The following COL5A1 variants were observed in gnomAD, a reference collection of about 807,000 sequenced individuals.
COL5A1 encodes collagen alpha-1(V) chain.
Under a neutral mutation model 263.7 loss-of-function variants are expected in COL5A1, and 16 were observed. The ratio of observed to expected loss-of-function variants is 0.06; its 90% confidence interval spans 0.04 to 0.09. The LOEUF is 0.09. Ranked by LOEUF, COL5A1 falls within the 10% of genes least tolerant of loss-of-function variation. The pLI is 1.00. For missense variants in COL5A1, 2,036 were observed against 2,540.5 expected (o/e 0.80, Z 4.27); for synonymous variants, 1,012 against 1,004.5 (o/e 1.01, Z -0.14).
intron 11 of COL5A1, among the ~76,000 whole-genome samples, chr9:134,740,066 G>A (rs1368092530): frequency 2.6e-5 from 4 of 152,216 alleles, no homozygotes; most frequent in African/African-American, 9.7e-5. Context: ...CAGAAGAGGC[G>A]GGTCTTGCTC....
At chr9:134,787,993 G>A (rs1837523071) in intron 31 of COL5A1, among the ~76,000 whole-genome samples, 1 of 152,218 alleles carries the variant, frequency 6.6e-6, no homozygotes, top group South Asian at 2.1e-4. Flanking sequence ...GTGGCTGGGT[G>A]AGTGGAGGGG....
At chr9:134,743,472 G>T (rs934375045) in intron 11 of COL5A1, among the ~76,000 whole-genome samples, 2 of 152,150 alleles carry the variant, frequency 1.3e-5, no homozygotes, top group Non-Finnish European at 2.9e-5. Context: ...TGGGTCTGTG[G>T]GCAGGTCCCA....
Position 134,754,199 on chromosome 9 carries a change from C to G in COL5A1, c.1774-74C>G. The G allele has an allele frequency of 1.3e-6, 2 of 1,520,968 alleles. No individual in the cohort carries two copies. The highest frequency in any genetic ancestry group is 1.8e-6 in the Non-Finnish European group (2 of 1,103,650). 94.2% of individuals were successfully genotyped at this position (1,520,968 alleles called of 1,614,324 possible). ...CAGGCATGGGCAGGGTCGATGAGCA[C>G]AGGGACAAGGCTTTGCTCTTTCTCC... On this transcript the variant is annotated intron_variant, in intron 15 of 65. Coordinates refer to ENST00000371817, the MANE Select transcript of COL5A1 (RefSeq NM_000093.5). The surrounding 1 kb of genome is among the most constrained non-coding windows in gnomAD (Gnocchi z 4.3).
At position 134,731,672 on chromosome 9, in the gene COL5A1, G is replaced by C; in HGVS notation, c.1332+9G>C. On this transcript the variant is annotated intron_variant, in intron 8 of 65. Coordinates refer to ENST00000371817, the MANE Select transcript of COL5A1 (RefSeq NM_000093.5). ...ATACCATCTATGAAGGGGTGAGAGGGTGCAGGCCCCCGTTCCGGGTGGGGT... is the reference window on the plus strand; with the variant it reads ...ATACCATCTATGAAGGGGTGAGAGGCTGCAGGCCCCCGTTCCGGGTGGGGT... 1 of 1,607,326 alleles carries C rather than the reference G, an allele frequency of 6.2e-7. No individual in the cohort carries two copies.
chr9:134,815,639 C>G lies in COL5A1; in HGVS notation c.4068+10C>G. The stretch of plus-strand genomic sequence containing the variant: ...AGAGCCTGGCCCCGCGGTAGGTGCT[C>G]AAGAGGGCAAAGCCACCGGATCCCC... On this transcript the variant is annotated intron_variant, in intron 51 of 65. Coordinates refer to ENST00000371817, the MANE Select transcript of COL5A1 (RefSeq NM_000093.5). 1 of 1,613,232 alleles carries G rather than the reference C, an allele frequency of 6.2e-7. No individual in the cohort carries two copies. Among genetic ancestry groups the G allele is most frequent in the South Asian group, 1.1e-5 (1 of 90,864 alleles).
intron 1 of COL5A1, among the ~76,000 whole-genome samples, chr9:134,675,506 T>C (rs1832660621): frequency 3.3e-5 from 5 of 152,244 alleles, no homozygotes; most frequent in Admixed American, 3.3e-4. Flanking sequence ...CACATCTTGT[T>C]GTTTATTGCC....
rs139171326 is a variant in COL5A1 at position 134,727,070 on chromosome 9, T to TGGATGGATGGAC, written c.655-186_655-185insACGGATGGATGG. 0.4 allele frequency among the ~76,000 whole-genome samples: 59,772 copies of TGGATGGATGGAC among 151,206 alleles called. 13,044 individuals carry two copies. The highest frequency in any genetic ancestry group is 0.57 in the Admixed American group (8,568 of 15,162). ...ACGGATGGATGGATGGATGGATGGA[T>TGGATGGATGGAC]GGATGGATGGGCCAGCCTAGCTTGA... is the stretch of plus-strand genomic sequence containing the variant. On this transcript the variant is annotated intron_variant, in intron 4 of 65. Coordinates refer to ENST00000371817, the MANE Select transcript of COL5A1 (RefSeq NM_000093.5).
In COL5A1 at chr9:134,682,580, G is replaced by A. The variant is rs1163902333; in HGVS notation, c.110-8332G>A. Among the ~76,000 whole-genome samples, 1 of 152,254 alleles carries A rather than the reference G, an allele frequency of 6.6e-6. No homozygotes were observed. The highest frequency in any genetic ancestry group is 1.5e-5 in the Non-Finnish European group (1 of 68,044). ...GGGTGGGGGAGAGCCTGCTGCCCAG[G>A]AAGGGCGCAGGAATCCCGGAGGTCA... On this transcript the variant is annotated intron_variant, in intron 1 of 65. Coordinates refer to ENST00000371817, the MANE Select transcript of COL5A1 (RefSeq NM_000093.5). The surrounding 1 kb of genome is among the most constrained non-coding windows in gnomAD (Gnocchi z 5.1).
chr9:134,765,292 G>A lies in COL5A1; in HGVS notation c.2035-389G>A, dbSNP rs115287530. On this transcript the variant is annotated intron_variant, in intron 20 of 65. Transcript: ENST00000371817. The surrounding 1 kb of genome is among the most constrained non-coding windows in gnomAD (Gnocchi z 5.1). ...GCGGAGGGGAATTCAGGAGCGAGCCGGTAATGAGGATAGGGCACAAGGGCT... is the reference window on the plus strand; with the variant it reads ...GCGGAGGGGAATTCAGGAGCGAGCCAGTAATGAGGATAGGGCACAAGGGCT... 6.4e-3 allele frequency among the ~76,000 whole-genome samples: 970 copies of A among 152,258 alleles called. 7 individuals carry two copies. The highest frequency in any genetic ancestry group is 0.02 in the Middle Eastern group (6 of 294).
At chr9:134,769,406 G>C (rs1836795142) in intron 25 of COL5A1, among the ~76,000 whole-genome samples, 1 of 152,244 alleles carries the variant, frequency 6.6e-6, no homozygotes. Flanking sequence ...TGCATACTGA[G>C]TGGTTCATCT....
chr9:134,828,443 C>A (rs1316137058), intron 63 of COL5A1, among the ~76,000 whole-genome samples: 1 of 151,112 alleles, frequency 6.6e-6, no homozygotes, highest in African/African-American at 2.5e-5. Flanking sequence ...CTACCACACA[C>A]ACACACACAC....
chr9:134,781,396 GC>G (rs1334521922), intron 28 of COL5A1, among the ~76,000 whole-genome samples: 1 of 152,252 alleles, frequency 6.6e-6, no homozygotes, highest in African/African-American at 2.4e-5. Context: ...TCTACGTGGA[GC>G]CCGTCGGGGC....
At chr9:134,747,624 G>C (rs1201111767) in intron 11 of COL5A1, among the ~76,000 whole-genome samples, 2 of 141,520 alleles carry the variant, frequency 1.4e-5, no homozygotes, top group East Asian at 4.5e-4. Flanking sequence ...CACACATGCA[G>C]ATACATGCAC....
intron 27 of COL5A1, among the ~76,000 whole-genome samples, chr9:134,775,622 G>A (rs115405354): frequency 0.014 from 2,205 of 152,314 alleles, 60 homozygotes; most frequent in African/African-American, 0.049. Flanking sequence ...CACGTTCTGT[G>A]TAGACAGACA....
intron 63 of COL5A1, among the ~76,000 whole-genome samples, chr9:134,826,267 C>T (rs4842173): frequency 0.73 from 110,918 of 152,086 alleles, 40,584 homozygotes; most frequent in South Asian, 0.81. Context: ...GGAGCAGGTA[C>T]AATAACGTGA....
intron 1 of COL5A1, among the ~76,000 whole-genome samples, chr9:134,685,943 AT>A (rs1833064617): frequency 1.0e-5 from 1 of 96,160 alleles, no homozygotes; most frequent in Admixed American, 1.2e-4. Flanking sequence ...TCCATCCACC[AT>A]CCATCCATCC....
In COL5A1 at chr9:134,774,632, T is replaced by C. The variant is rs1836984687; in HGVS notation, c.2332-227T>C. ...TGCCGGGGTGGGGCCAGCGTTTGCTTCACCTCTGTGTCCCGCTCAGCATGA... is the reference window on the plus strand; with the variant it reads ...TGCCGGGGTGGGGCCAGCGTTTGCTCCACCTCTGTGTCCCGCTCAGCATGA... On this transcript the variant is annotated intron_variant, in intron 26 of 65. Coordinates refer to ENST00000371817, the MANE Select transcript of COL5A1 (RefSeq NM_000093.5). 2.0e-5 allele frequency among the ~76,000 whole-genome samples: 3 copies of C among 152,194 alleles called. No individual in the cohort carries two copies. The South Asian group carries it at 6.2e-4, about 32-fold the overall frequency.
intron 46 of COL5A1, 104 bp downstream of exon 46, chr9:134,811,703 C>G (rs1001963972): frequency 1.4e-5 from 15 of 1,071,210 alleles, no homozygotes; most frequent in Admixed American, 2.0e-5. Context: ...AAAACTAAAG[C>G]CAGGCTGCAG....
intron 8 of COL5A1, among the ~76,000 whole-genome samples, 186 bp from the exon 9 acceptor site, chr9:134,731,884 TA>T (rs1458118817): frequency 7.9e-5 from 12 of 152,206 alleles, no homozygotes; most frequent in Non-Finnish European, 1.8e-4. Flanking sequence ...GTTTCTTCGT[TA>T]GTAGTCACAT....
Sources: allele counts gnomAD v4.1 joint callset (sites outside exome capture counted in the v4.1 genomes callset), GRCh38; gene constraint gnomAD v4.1.1; non-coding constraint Gnocchi (gnomAD v3.1); transcripts MANE v1.5; gene names NCBI Gene and HGNC (gene_info 2026-07-23, HGNC 2026-07-21).